Variants in SRPX2 observed in about 807,000 individuals in gnomAD.
SRPX2 encodes the protein sushi repeat-containing protein SRPX2.
Under a neutral mutation model 45.3 loss-of-function variants are expected in SRPX2, and 26 were observed. The observed-to-expected ratio is 0.57, with a 90% CI of 0.42 to 0.80. The LOEUF (loss-of-function observed/expected upper bound fraction) is 0.80, where lower values mean the gene tolerates loss of function less well. SRPX2 is among the 30% of genes least tolerant of loss of function. SRPX2 has a pLI of 0.00. For synonymous variants in SRPX2, 125 were observed against 143.7 expected (o/e 0.87, Z 0.93); for missense variants, 355 against 399.8 (o/e 0.89, Z 0.95).
intron 4 of SRPX2, among the ~76,000 whole-genome samples, chrX:100,662,773 T>C (rs1004736848): frequency 8.9e-6 from 1 of 112,316 alleles, no homozygotes; most frequent in African/African-American, 3.2e-5. Context: ...AGTGGAGCTG[T>C]GAAACATGTG....
At chrX:100,668,844 G>C (rs2083213415) in intron 9 of SRPX2, among the ~76,000 whole-genome samples, 1 of 112,000 alleles carries the variant, frequency 8.9e-6, no homozygotes, top group Admixed American at 9.4e-5. Flanking sequence ...CTTGTGAGGG[G>C]TGTTGTGAAG....
chrX:100,665,015 G>A (rs2147649051), intron 5 of SRPX2, 65 bp downstream of exon 5: 7 of 1,160,924 alleles, frequency 6.0e-6, no homozygotes, highest in Admixed American at 2.3e-5. Context: ...ATCGACAAAA[G>A]ATGTGGAATT....
At chrX:100,661,375 T>C (rs192309116) in intron 3 of SRPX2, among the ~76,000 whole-genome samples, 49 of 112,993 alleles carry the variant, frequency 4.3e-4, no homozygotes, top group African/African-American at 1.5e-3. Flanking sequence ...GAGTTCTTTC[T>C]ATATTTTAAA....
At chrX:100,663,071 C>A in intron 4 of SRPX2, among the ~76,000 whole-genome samples, 1 of 111,818 alleles carries the variant, frequency 8.9e-6, no homozygotes, top group Non-Finnish European at 1.9e-5. Flanking sequence ...GATAGAAACA[C>A]AAATGTGTGC....
intron 3 of SRPX2, among the ~76,000 whole-genome samples, chrX:100,657,678 G>A (rs764904547): frequency 4.5e-5 from 5 of 110,402 alleles, no homozygotes; most frequent in African/African-American, 1.6e-4. Flanking sequence ...TTTAACTGGG[G>A]TGAGATGATA....
rs754062709 is a variant in SRPX2 at position 100,670,364 on chromosome X, C to A, written c.1218-443C>A. On this transcript the variant is annotated intron_variant, in intron 10 of 10. Coordinates refer to ENST00000373004, the MANE Select transcript of SRPX2 (RefSeq NM_014467.3). Reference sequence around the variant, plus strand: ...AGACTAGAAAACCCTCAGAGGGAGACTGCAGACTTGCAGCTACAGATGGAA... The same window carrying A: ...AGACTAGAAAACCCTCAGAGGGAGAATGCAGACTTGCAGCTACAGATGGAA... Among the ~76,000 whole-genome samples the A allele has an allele frequency of 1.6e-3, 179 of 111,749 alleles. 1 individual carries two copies. Among genetic ancestry groups the A allele is most frequent in the Non-Finnish European group, 2.9e-3 (155 of 53,079 alleles).
chrX:100,667,471 A>T, intron 9 of SRPX2, 64 bp downstream of exon 9: 1 of 1,185,915 alleles, frequency 8.4e-7, no homozygotes, highest in Non-Finnish European at 1.1e-6. Flanking sequence ...TTTCCAAATC[A>T]GAGTTGTTCT....
At chrX:100,658,703 A>G (rs1405511662) in intron 3 of SRPX2, among the ~76,000 whole-genome samples, 1 of 112,181 alleles carries the variant, frequency 8.9e-6, no homozygotes, top group Non-Finnish European at 1.9e-5. Context: ...TTTGAGCAAT[A>G]TGGTCATTTT....
Position 100,665,673 on chromosome X carries a change from T to G in SRPX2, c.781+16T>G. 8.3e-7 allele frequency: 1 copy of G among 1,211,464 alleles called. No individual in the cohort carries two copies. Among genetic ancestry groups the G allele is most frequent in the Non-Finnish European group, 1.1e-6 (1 of 895,416 alleles). ...AAAGTACAAGGTCAGAAAGAATTAT[T>G]TAGTTTCCATATTGTTCATTAATCC... On this transcript the variant is annotated intron_variant, in intron 7 of 10. Transcript: ENST00000373004.
chrX:100,666,970 T>C, intron 8 of SRPX2, 37 bp downstream of exon 8: 11 of 1,191,557 alleles, frequency 9.2e-6, no homozygotes, highest in Non-Finnish European at 1.2e-5. Flanking sequence ...GTGGATGTGG[T>C]GATCAGGGGA....
At chrX:100,668,887 G>T (rs1344802917) in intron 9 of SRPX2, among the ~76,000 whole-genome samples, 2 of 111,983 alleles carry the variant, frequency 1.8e-5, no homozygotes, top group Non-Finnish European at 3.8e-5. Context: ...TTAGGTTTGT[G>T]TATTCAATAA....
intron 3 of SRPX2, among the ~76,000 whole-genome samples, chrX:100,655,832 GT>G (rs1435744906): frequency 1.0e-5 from 1 of 96,160 alleles, no homozygotes. Flanking sequence ...TATTTTTGGG[GT>G]TTTTTTAGGT....
chrX:100,674,534 G>A lies in SRPX2; in HGVS notation c.*3547G>A, dbSNP rs1205581354. ...TTTATTAAAGCACACATACATGTCAGGGGGGTGGGAAACAAAAGAGCAAGT... is the reference window on the plus strand; with the variant it reads ...TTTATTAAAGCACACATACATGTCAAGGGGGTGGGAAACAAAAGAGCAAGT... On this transcript the variant is annotated 3_prime_UTR_variant, in exon 11 of 11. Transcript: ENST00000373004. 8.9e-6 allele frequency: 1 copy of A among 112,231 alleles called. No homozygotes were observed. Among genetic ancestry groups the A allele is most frequent in the South Asian group, 3.8e-4 (1 of 2,647 alleles). The allele number at this position is 112,231 out of a possible 1,213,427, so 9.2% of individuals were successfully genotyped here. A position where few individuals can be genotyped will look rare whatever the true frequency, so the allele number is the denominator to read the frequency against.
In SRPX2 at chrX:100,672,708, T is replaced by C. The variant is rs774786745; in HGVS notation, c.*1721T>C. ...GCTGTAAGCAAGGAGAAACTTTCCA[T>C]GTTCTATAATCCTACCCAGACACAA... On this transcript the variant is annotated 3_prime_UTR_variant, in exon 11 of 11. Coordinates refer to ENST00000373004, the MANE Select transcript of SRPX2 (RefSeq NM_014467.3). The C allele has an allele frequency of 9.0e-6, 1 of 111,702 alleles. No homozygotes were observed. The highest frequency in any genetic ancestry group is 3.8e-4 in the South Asian group (1 of 2,622). 9.2% of individuals were successfully genotyped at this position (111,702 alleles called of 1,213,427 possible).
intron 3 of SRPX2, chrX:100,651,168 T>C (rs757363931): frequency 3.2e-6 from 1 of 308,251 alleles, no homozygotes; most frequent in African/African-American, 2.7e-5. Context: ...GTCCCCATCA[T>C]GTAGCTTATA....
chrX:100,669,422 G>GGGGGGA, intron 10 of SRPX2, 53 bp downstream of exon 10: 1 of 319,100 alleles, frequency 3.1e-6, no homozygotes, highest in Non-Finnish European at 6.2e-6. Flanking sequence ...GGGGCGGGGG[G>GGGGGGA]AGAAACCCTA....
At position 100,665,667 on chromosome X, in the gene SRPX2, A is replaced by G. The variant is rs2083202509; in HGVS notation, c.781+10A>G. ...ATTGTGAAAGTACAAGGTCAGAAAGAATTATTTAGTTTCCATATTGTTCAT... is the reference window on the plus strand; with the variant it reads ...ATTGTGAAAGTACAAGGTCAGAAAGGATTATTTAGTTTCCATATTGTTCAT... On this transcript the variant is annotated intron_variant, in intron 7 of 10. Transcript: ENST00000373004. 1 of 1,209,889 alleles carries G rather than the reference A, an allele frequency of 8.3e-7. No homozygotes were observed. The highest frequency in any genetic ancestry group is 2.2e-5 in the Admixed American group (1 of 45,800).
chrX:100,660,528 A>G (rs1480806072), intron 3 of SRPX2, among the ~76,000 whole-genome samples: 2 of 111,877 alleles, frequency 1.8e-5, no homozygotes, highest in Non-Finnish European at 3.8e-5. Flanking sequence ...TTAGCCATTC[A>G]CCCATAGAAA....
Position 100,669,926 on chromosome X carries a change from C to T in SRPX2, c.1217+557C>T, listed in dbSNP as rs903619194. Among the ~76,000 whole-genome samples, 3 of 110,105 alleles carry T rather than the reference C, an allele frequency of 2.7e-5. No individual in the cohort carries two copies. The Admixed American group carries it at 2.9e-4, about 11-fold the overall frequency. ...TAGCTGGGATTACAGGTGTGCACCACCACACCCAGCTAATTTTTGTATTTT... is the reference window on the plus strand; with the variant it reads ...TAGCTGGGATTACAGGTGTGCACCATCACACCCAGCTAATTTTTGTATTTT... On this transcript the variant is annotated intron_variant, in intron 10 of 10. Coordinates refer to ENST00000373004, the MANE Select transcript of SRPX2 (RefSeq NM_014467.3).
Sources: allele counts gnomAD v4.1 joint callset (sites outside exome capture counted in the v4.1 genomes callset), GRCh38; gene constraint gnomAD v4.1.1; transcripts MANE v1.5; gene names NCBI Gene and HGNC (gene_info 2026-07-23, HGNC 2026-07-21).